The following TSHZ2 variants were observed in gnomAD, a reference collection of about 807,000 sequenced individuals.
TSHZ2 encodes teashirt zinc finger homeobox 2.
TSHZ2 carries 21 observed loss-of-function variants against 74.4 expected under a neutral mutation model. The ratio of observed to expected loss-of-function variants is 0.28; its 90% CI spans 0.20 to 0.41. The LOEUF is 0.41. TSHZ2 is among the 10% of genes least tolerant of loss of function. The pLI, the probability that TSHZ2 is intolerant of heterozygous loss-of-function variation, is 1.00. For missense variants in TSHZ2, 1,244 were observed against 1,293.5 expected (o/e 0.96, Z 0.59); for synonymous variants, 540 against 515.3 (o/e 1.05, Z -0.65).
At chr20:53,242,612 A>G (rs907546849) in intron 1 of TSHZ2, among the ~76,000 whole-genome samples, 4 of 151,738 alleles carry the variant, frequency 2.6e-5, no homozygotes, top group African/African-American at 9.7e-5. Context: ...TGATTCATCT[A>G]CTTCCCATAG....
intron 1 of TSHZ2, among the ~76,000 whole-genome samples, chr20:53,242,558 G>A (rs1568830435): frequency 6.6e-6 from 1 of 152,152 alleles, no homozygotes; most frequent in Non-Finnish European, 1.5e-5. Context: ...GAGAGTAAGA[G>A]GTGTCACAAT....
Position 53,415,187 on chromosome 20 carries a change from C to T in TSHZ2, c.*9-71957C>T, listed in dbSNP as rs79887260. On this transcript the variant is annotated intron_variant, in intron 2 of 2. Transcript: ENST00000371497. ...CTTTAACATACTCCATTATTGAAAACCCTTAAGGCTTCTGTTGAAAACTTA... is the reference window on the plus strand; with the variant it reads ...CTTTAACATACTCCATTATTGAAAATCCTTAAGGCTTCTGTTGAAAACTTA... Among the ~76,000 whole-genome samples, 344 of 152,254 alleles carry T rather than the reference C, an allele frequency of 2.3e-3. 1 individual carries two copies. The highest frequency in any genetic ancestry group is 3.1e-3 in the Non-Finnish European group (214 of 68,022).
Position 53,253,979 on chromosome 20 carries a change from C to T in TSHZ2, c.521C>T (p.Ser174Phe), listed in dbSNP as rs267606000. Residue 174 changes from serine to phenylalanine, a missense_variant, in exon 2 of 3, where the codon TCC becomes TTC. Ser to Phe is a radical substitution (Grantham distance 155). Around this residue, in one of 6 missense-constraint regions of TSHZ2, gnomAD observed 470 missense variants for 456.5 expected, o/e 1.03. Transcript: ENST00000371497. ...SDFDWHQDAL[S>F]KSLQQNLPSR... ...TTTGATTGGCACCAAGACGCTCTGTCCAAAAGCCTGCAGCAGAACTTGCCT... is the reference window on the plus strand; with the variant it reads ...TTTGATTGGCACCAAGACGCTCTGTTCAAAAGCCTGCAGCAGAACTTGCCT... 6.2e-7 allele frequency: 1 copy of T among 1,614,152 alleles called. No homozygotes were observed. Among genetic ancestry groups the T allele is most frequent in the Non-Finnish European group, 8.5e-7 (1 of 1,180,040 alleles).
chr20:53,339,460 C>A (rs368870792), intron 2 of TSHZ2, among the ~76,000 whole-genome samples: 25 of 152,188 alleles, frequency 1.6e-4, no homozygotes, highest in Admixed American at 1.6e-3. Flanking sequence ...GCGTATTCTG[C>A]CCTCAAACTT....
At chr20:53,472,746 C>T (rs147867200) in intron 2 of TSHZ2, among the ~76,000 whole-genome samples, 27,844 of 147,644 alleles carry the variant, frequency 0.19, 2,814 homozygotes, top group East Asian at 0.27. Flanking sequence ...TCTGAGGTAC[C>T]AGGTTCATCT....
At chr20:53,025,601 G>T (rs1335991223) in intron 1 of TSHZ2, among the ~76,000 whole-genome samples, 1 of 152,204 alleles carries the variant, frequency 6.6e-6, no homozygotes, top group Non-Finnish European at 1.5e-5. Context: ...CCCGGCAGAT[G>T]ACACCTTCAC....
At chr20:53,047,087 G>A (rs1202221337) in intron 1 of TSHZ2, among the ~76,000 whole-genome samples, 1 of 152,132 alleles carries the variant, frequency 6.6e-6, no homozygotes, top group Non-Finnish European at 1.5e-5. Flanking sequence ...CAGTGTTGCA[G>A]CTGCTTCTGA....
chr20:53,217,752 C>T (rs6123262), intron 1 of TSHZ2, among the ~76,000 whole-genome samples: 7,488 of 152,270 alleles, frequency 0.049, 448 homozygotes, highest in East Asian at 0.31. Context: ...TGGCTAAGGG[C>T]TACATTTGAT....
At chr20:53,246,721 G>C (rs1470218891) in intron 1 of TSHZ2, among the ~76,000 whole-genome samples, 1 of 152,230 alleles carries the variant, frequency 6.6e-6, no homozygotes, top group East Asian at 1.9e-4. Flanking sequence ...AGGGATGACA[G>C]AATATCCACT....
chr20:52,993,255 T>C (rs1356196689), intron 1 of TSHZ2, among the ~76,000 whole-genome samples: 1 of 152,216 alleles, frequency 6.6e-6, no homozygotes, highest in Admixed American at 6.5e-5. Flanking sequence ...TTATAAATGT[T>C]CCCTGCTCAC....
chr20:53,348,250 T>C (rs1980515923), intron 2 of TSHZ2, among the ~76,000 whole-genome samples: 1 of 152,172 alleles, frequency 6.6e-6, no homozygotes, highest in South Asian at 2.1e-4. Flanking sequence ...CATATGCTCA[T>C]GAATGGATAA....
intron 1 of TSHZ2, among the ~76,000 whole-genome samples, chr20:52,989,222 C>T (rs1981886994): frequency 1.4e-5 from 2 of 143,166 alleles, no homozygotes; most frequent in Admixed American, 6.9e-5. Context: ...TTTTTTTTAA[C>T]ATTTTTGTTT....
At chr20:53,420,484 C>A (rs1210837477) in intron 2 of TSHZ2, among the ~76,000 whole-genome samples, 1 of 152,188 alleles carries the variant, frequency 6.6e-6, no homozygotes, top group Non-Finnish European at 1.5e-5. Flanking sequence ...AATCCCAGCA[C>A]ATGAGGCCAA....
intron 2 of TSHZ2, among the ~76,000 whole-genome samples, chr20:53,332,237 T>C (rs977371134): frequency 6.6e-6 from 1 of 152,138 alleles, no homozygotes; most frequent in Non-Finnish European, 1.5e-5. Context: ...GCCCCAGTGC[T>C]CTGGAATCAC....
intron 1 of TSHZ2, among the ~76,000 whole-genome samples, chr20:53,090,962 A>G (rs972763230): frequency 2.0e-5 from 3 of 152,222 alleles, no homozygotes; most frequent in Non-Finnish European, 4.4e-5. Flanking sequence ...AATACTTACC[A>G]TATCAGATAA....
rs1279938245 is a variant in TSHZ2, at chr20:53,255,233, C to T, written c.1775C>T (p.Thr592Ile). The T allele has an allele frequency of 1.2e-6, 2 of 1,614,190 alleles. No homozygotes were observed. Among genetic ancestry groups the T allele is most frequent in the Non-Finnish European group, 1.7e-6 (2 of 1,180,032 alleles). ...WKVMPLVSMPTHLAPYTQVKK... is the reference protein window; with the variant it reads ...WKVMPLVSMPIHLAPYTQVKK... The stretch of plus-strand genomic sequence containing the variant: ...GTGATGCCACTGGTTTCTATGCCCA[C>T]ACACCTGGCCCCTTACACTCAAGTC... The change falls in exon 2 of 3, where the codon ACA becomes ATA. Residue 592 changes from threonine to isoleucine, a missense_variant. This residue lies in a region of TSHZ2 where 562 missense variants were observed against 544.0 expected (regional missense o/e 1.03). Coordinates refer to ENST00000371497, the MANE Select transcript of TSHZ2 (RefSeq NM_173485.6). This position sits in a 1 kb window ranked among gnomAD's most constrained non-coding sequence, Gnocchi z 4.1.
At chr20:53,121,856 C>T (rs1397549184) in intron 1 of TSHZ2, among the ~76,000 whole-genome samples, 2 of 151,842 alleles carry the variant, frequency 1.3e-5, no homozygotes, top group Non-Finnish European at 2.9e-5. Context: ...GTTTTATTGT[C>T]CCTCCTCTCT....
intron 1 of TSHZ2, among the ~76,000 whole-genome samples, chr20:53,143,689 C>G (rs2123422019): frequency 6.6e-6 from 1 of 151,848 alleles, no homozygotes; most frequent in East Asian, 1.9e-4. Context: ...AAGACTCCGT[C>G]TCAAAAAAAT....
At chr20:53,044,652 C>T (rs187300730) in intron 1 of TSHZ2, among the ~76,000 whole-genome samples, 1 of 152,182 alleles carries the variant, frequency 6.6e-6, no homozygotes, top group Non-Finnish European at 1.5e-5. Flanking sequence ...ACCCCAGCCC[C>T]AGTTCCCCAA....
Sources: gnomAD v4.1 joint callset for allele counts (sites outside exome capture counted in the v4.1 genomes callset) on GRCh38, gnomAD v4.1.1 for gene constraint, gnomAD v4.1.1 regional missense constraint, Gnocchi (gnomAD v3.1) non-coding constraint, MANE v1.5 for transcripts, NCBI Gene and HGNC (gene_info 2026-07-23, HGNC 2026-07-21) for gene names.